MARCHF7: variants seen among roughly 807,000 people sequenced by gnomAD.
The protein encoded by MARCHF7 is E3 ubiquitin-protein ligase MARCHF7.
MARCHF7 carries 20 observed loss-of-function variants against 76.5 expected under a neutral mutation model. The observed-to-expected ratio is 0.26, with a 90% CI of 0.18 to 0.38. The LOEUF is 0.38. Among genes scored for constraint, MARCHF7 ranks in the 10% least tolerant of loss-of-function variants. The probability of loss-of-function intolerance (pLI) is 1.00; values close to 1 mark genes in which losing one functional copy is unlikely to be tolerated. For synonymous variants in MARCHF7, 295 were observed against 293.0 expected, an observed-to-expected ratio of 1.01 and a Z score of -0.07; for missense variants, 797 against 812.9, an observed-to-expected ratio of 0.98 and a Z score of 0.24.
In MARCHF7 at chr2:159,748,761, G is replaced by C. The variant is rs140045855; in HGVS notation, c.1471G>C (p.Ala491Pro). 148 of 1,614,138 alleles carry C rather than the reference G, an allele frequency of 9.2e-5. No homozygotes were observed. In the African/African-American group the frequency reaches 1.9e-3, roughly 21 times the overall value. Residue 491 changes from alanine to proline, a missense_variant, in exon 7 of 12, where the codon GCA (alanine) becomes CCA (proline). Physicochemically the swap from Ala to Pro is conservative, Grantham distance 27 (BLOSUM62 -1). Coordinates refer to ENST00000409175, the MANE Select transcript of MARCHF7 (RefSeq NM_001282805.2). ...GSLFRFAVPP[A>P]LGSNLTDNVM... is the part of the protein sequence containing the mutation. ...CTTATTCCGGTTTGCAGTCCCTCCA[G>C]CACTTGGGAGTAATTTGACCGACAA...
chr2:159,763,192 T>G (rs1707320649), intron 10 of MARCHF7, among the ~76,000 whole-genome samples, 199 bp downstream of exon 10: 1 of 152,196 alleles, frequency 6.6e-6, no homozygotes, highest in African/African-American at 2.4e-5. Context: ...TCTCATAAAG[T>G]TATTTTAGAG....
chr2:159,744,235 A>G (rs71406194), intron 5 of MARCHF7, among the ~76,000 whole-genome samples: 52,223 of 151,536 alleles, frequency 0.34, 9,212 homozygotes, highest in South Asian at 0.44. Context: ...TGATCCGCCC[A>G]CCTCGGCCTC....
intron 10 of MARCHF7, 89 bp downstream of exon 10, chr2:159,763,082 A>ATTTCCTTTGGGAAGCTTTTATTTTT: frequency 1.5e-6 from 1 of 655,710 alleles, no homozygotes; most frequent in Non-Finnish European, 2.5e-6. Flanking sequence ...TTGACATCTT[A>ATTTCCTTTGGGAAGCTTTTATTTTT]TTTCCTTTGG....
At position 159,765,653 on chromosome 2, in the gene MARCHF7, A is replaced by G. The variant is rs186753962; in HGVS notation, c.2056+979A>G. Among the ~76,000 whole-genome samples the G allele has an allele frequency of 8.7e-4, 132 of 152,302 alleles. No individual in the cohort carries two copies. The Middle Eastern group carries it at 0.044, about 51-fold the overall frequency. ...TTAGAGAAAGCTCAGCATCCTTTGA[A>G]GTAAGGTTTAAAAAGGACTTAGTCC... On this transcript the variant is annotated intron_variant, in intron 11 of 11. Transcript: ENST00000409175.
intron 4 of MARCHF7, among the ~76,000 whole-genome samples, chr2:159,736,049 C>T (rs1236591858): frequency 6.6e-6 from 1 of 152,180 alleles, no homozygotes; most frequent in Non-Finnish European, 1.5e-5. Flanking sequence ...ATCCCTTAAG[C>T]TCATAAGGTT....
chr2:159,750,646 A>T lies in MARCHF7; in HGVS notation c.1613+1743A>T, dbSNP rs72621694. On this transcript the variant is annotated intron_variant, in intron 7 of 11. Coordinates refer to ENST00000409175, the MANE Select transcript of MARCHF7 (RefSeq NM_001282805.2). The stretch of plus-strand genomic sequence containing the variant: ...TCACTGTTAAGAGTGAAAAGACAAA[A>T]AAACAGAGATCTTAGTCCCAGCCTG... 0.023 allele frequency among the ~76,000 whole-genome samples: 3,444 copies of T among 152,292 alleles called. 255 individuals carry two copies. The East Asian group carries it at 0.27, about 12-fold the overall frequency.
intron 5 of MARCHF7, among the ~76,000 whole-genome samples, chr2:159,745,526 G>A (rs750863797): frequency 5.9e-5 from 9 of 152,094 alleles, no homozygotes; most frequent in African/African-American, 1.9e-4. Context: ...ATGGTGGCAC[G>A]CGCCTTGTAG....
chr2:159,761,413 T>C (rs1707074787), intron 9 of MARCHF7, among the ~76,000 whole-genome samples: 1 of 66,604 alleles, frequency 1.5e-5, no homozygotes, highest in Non-Finnish European at 4.0e-5. Flanking sequence ...TTTCTTTTTT[T>C]TTTTTTTTTT....
In MARCHF7 at chr2:159,748,020, T is replaced by C. The variant is rs778414606; in HGVS notation, c.730T>C (p.Tyr244His). Residue 244 changes from tyrosine to histidine, a missense_variant, in exon 7 of 12, where the codon TAC (tyrosine) becomes CAC (histidine). Transcript: ENST00000409175. ...AAGCAATACGCAGCCTGGATTTTCT[T>C]ACAGTTCAAGTAGAGATGAAGCCCC... Reference protein sequence around the residue: ...SRSNTQPGFSYSSSRDEAPII... With the variant: ...SRSNTQPGFSHSSSRDEAPII... 2 of 1,614,154 alleles carry C rather than the reference T, an allele frequency of 1.2e-6. No homozygotes were observed. The highest frequency in any genetic ancestry group is 1.7e-6 in the Non-Finnish European group (2 of 1,180,016).
intron 5 of MARCHF7, among the ~76,000 whole-genome samples, chr2:159,744,033 G>C (rs1317593334): frequency 3.3e-5 from 4 of 121,410 alleles, no homozygotes; most frequent in Non-Finnish European, 6.5e-5. Flanking sequence ...TGTCGCCCAG[G>C]CTGGAGTGCA....
chr2:159,764,616 TTG>T lies in MARCHF7; in HGVS notation c.2008-8_2008-7del. Reference sequence around the variant, plus strand: ...TTAAACTACTGTATTTCTTTCTGCATTGTTTCTAGTTTATTAACCTTGCAAGA... The same window carrying T: ...TTAAACTACTGTATTTCTTTCTGCATTTTCTAGTTTATTAACCTTGCAAGA... On this transcript the variant is annotated splice_polypyrimidine_tract_variant and splice_region_variant and intron_variant, in intron 10 of 11. Transcript: ENST00000409175. 6.3e-7 allele frequency: 1 copy of T among 1,588,674 alleles called. No individual in the cohort carries two copies. Among genetic ancestry groups the T allele is most frequent in the South Asian group, 1.1e-5 (1 of 87,786 alleles).
chr2:159,744,699 A>G (rs576610211), intron 5 of MARCHF7, among the ~76,000 whole-genome samples: 1 of 152,358 alleles, frequency 6.6e-6, no homozygotes, highest in Non-Finnish European at 1.5e-5. Context: ...TGTGATAGCT[A>G]AGAGCAGACT....
intron 3 of MARCHF7, among the ~76,000 whole-genome samples, chr2:159,723,719 A>G (rs935490387): frequency 6.6e-6 from 1 of 152,218 alleles, no homozygotes; most frequent in African/African-American, 2.4e-5. Context: ...GACTATGTAA[A>G]TATTAAAGAG....
At chr2:159,760,176 GATATTTCATACAA>G (rs1379630122) in intron 9 of MARCHF7, among the ~76,000 whole-genome samples, 5 of 152,024 alleles carry the variant, frequency 3.3e-5, no homozygotes, top group African/African-American at 4.8e-5. Context: ...ACTTATCCTG[GATATTTCATACAA>G]ATAGAATCAT....
Position 159,748,465 on chromosome 2 carries a change from A to G in MARCHF7, c.1175A>G (p.Asn392Ser). The change falls in exon 7 of 12, where the codon AAT (asparagine) becomes AGT (serine). Residue 392 changes from asparagine to serine, a missense_variant. Asn to Ser is a conservative substitution (Grantham distance 46). Transcript: ENST00000409175. ...TGPWLSSSLR[N>S]RCTPLFSRRR... ...CCATGGTTATCTTCCTCACTTAGAA[A>G]TAGATGCACACCTTTGTTCTCTAGA... 1 of 1,614,188 alleles carries G rather than the reference A, an allele frequency of 6.2e-7. No homozygotes were observed. The highest frequency in any genetic ancestry group is 2.2e-5 in the East Asian group (1 of 44,892).
intron 6 of MARCHF7, among the ~76,000 whole-genome samples, chr2:159,746,644 A>T (rs1287875470): frequency 6.6e-6 from 1 of 152,156 alleles, no homozygotes; most frequent in East Asian, 1.9e-4. Context: ...CAGGTGATCC[A>T]ACCGCCTCAG....
chr2:159,763,473 T>G (rs1574453765), intron 10 of MARCHF7, among the ~76,000 whole-genome samples: 1 of 152,352 alleles, frequency 6.6e-6, no homozygotes, highest in Middle Eastern at 3.4e-3. Context: ...GGTTGTTTAC[T>G]GTGTGTGCTA....
At chr2:159,739,467 A>C (rs2125512459) in intron 4 of MARCHF7, among the ~76,000 whole-genome samples, 1 of 152,378 alleles carries the variant, frequency 6.6e-6, no homozygotes, top group African/African-American at 2.4e-5. Flanking sequence ...ACAGTTGTTC[A>C]TAACGGCATT....
chr2:159,757,472 T>C (rs925341049), intron 8 of MARCHF7, among the ~76,000 whole-genome samples: 2 of 152,178 alleles, frequency 1.3e-5, no homozygotes, highest in Non-Finnish European at 1.5e-5. Context: ...CAGGGTGTAA[T>C]GGAGAGAGCC....
Sources: gnomAD v4.1 joint callset for allele counts (sites outside exome capture counted in the v4.1 genomes callset) on GRCh38, gnomAD v4.1.1 for gene constraint, MANE v1.5 for transcripts, NCBI Gene and HGNC (gene_info 2026-07-23, HGNC 2026-07-21) for gene names.